Variants in CADM2 observed in about 807,000 individuals in gnomAD.
CADM2 encodes immunoglobulin superfamily member 4D.
A neutral mutation model predicts 49.8 loss-of-function variants in CADM2; 12 were observed. That is an observed-to-expected ratio of 0.24 (90% CI 0.15 to 0.39). CADM2 has a LOEUF of 0.39. CADM2 is among the 10% of genes least tolerant of loss of function. CADM2 has a pLI of 1.00. For missense variants in CADM2, 378 were observed against 492.3 expected (o/e 0.77, Z 2.20); for synonymous variants, 214 against 175.4 (o/e 1.22, Z -1.74).
At chr3:85,442,104 C>T (rs1296576113) in intron 1 of CADM2, among the ~76,000 whole-genome samples, 1 of 151,954 alleles carries the variant, frequency 6.6e-6, no homozygotes, top group African/African-American at 2.4e-5. Context: ...AGATTTTGTC[C>T]ACACAATATT....
At chr3:85,678,501 T>C (rs2065946336) in intron 1 of CADM2, among the ~76,000 whole-genome samples, 1 of 152,180 alleles carries the variant, frequency 6.6e-6, no homozygotes, top group Admixed American at 6.5e-5. Flanking sequence ...TGCTTTCTAG[T>C]CATCCTACAT....
intron 1 of CADM2, among the ~76,000 whole-genome samples, chr3:85,092,339 T>C (rs1295855511): frequency 6.6e-6 from 1 of 152,196 alleles, no homozygotes; most frequent in Non-Finnish European, 1.5e-5. Flanking sequence ...ACTTATATAA[T>C]TCACTGGAAA....
In CADM2 at chr3:86,068,319, T is replaced by C. The variant is rs1559837457; in HGVS notation, c.*1536T>C. 6.6e-6 allele frequency: 1 copy of C among 152,002 alleles called. No homozygotes were observed. Among genetic ancestry groups the C allele is most frequent in the Non-Finnish European group, 1.5e-5 (1 of 67,864 alleles). 9.4% of individuals were successfully genotyped at this position (152,002 alleles called of 1,614,324 possible). A position where few individuals can be genotyped will look rare whatever the true frequency, so the allele number is the denominator to read the frequency against. ...AGTCTTATTATTTCTTCTAGTAAAATAAAATATTGTTAGATTAGTTCTCAT... is the reference window on the plus strand; with the variant it reads ...AGTCTTATTATTTCTTCTAGTAAAACAAAATATTGTTAGATTAGTTCTCAT... On this transcript the variant is annotated 3_prime_UTR_variant, in exon 10 of 10. Coordinates refer to ENST00000383699, the MANE Select transcript of CADM2 (RefSeq NM_001167675.2).
intron 1 of CADM2, among the ~76,000 whole-genome samples, chr3:85,117,331 AT>A (rs553265227): frequency 6.6e-6 from 1 of 152,292 alleles, no homozygotes; most frequent in East Asian, 1.9e-4. Context: ...TAAAATATAT[AT>A]AAATAAAAAT....
intron 1 of CADM2, among the ~76,000 whole-genome samples, chr3:85,013,045 T>G (rs1035898282): frequency 1.3e-5 from 2 of 151,802 alleles, no homozygotes; most frequent in African/African-American, 4.8e-5. Flanking sequence ...ATGAATGTGT[T>G]GCAATGTTAA....
chr3:85,343,914 G>T (rs752063217), intron 1 of CADM2, among the ~76,000 whole-genome samples: 1 of 152,122 alleles, frequency 6.6e-6, no homozygotes, highest in African/African-American at 2.4e-5. Context: ...TACTGAGAAG[G>T]CACTGTGTGT....
intron 8 of CADM2, among the ~76,000 whole-genome samples, chr3:86,015,925 G>C (rs1732161233): frequency 6.6e-6 from 1 of 151,890 alleles, no homozygotes; most frequent in Admixed American, 6.6e-5. Context: ...ACAAAAATAA[G>C]GATTGTGGTT....
chr3:85,660,578 A>G (rs916252216), intron 1 of CADM2, among the ~76,000 whole-genome samples: 3 of 152,020 alleles, frequency 2.0e-5, no homozygotes, highest in African/African-American at 4.8e-5. Context: ...TGGAGGAATC[A>G]GACTACTACA....
chr3:84,984,093 G>T (rs2032388718), intron 1 of CADM2, among the ~76,000 whole-genome samples: 1 of 140,056 alleles, frequency 7.1e-6, no homozygotes, highest in Non-Finnish European at 1.6e-5. Flanking sequence ...ATTTTAAAAG[G>T]CACAAACAAG....
intron 5 of CADM2, among the ~76,000 whole-genome samples, chr3:85,896,932 C>T (rs1353817990): frequency 6.6e-6 from 1 of 152,110 alleles, no homozygotes; most frequent in Non-Finnish European, 1.5e-5. Flanking sequence ...TTAAAGTAGA[C>T]TTACTAAGTC....
intron 1 of CADM2, among the ~76,000 whole-genome samples, chr3:85,384,326 A>AT (rs1480364710): frequency 3.3e-5 from 5 of 151,094 alleles, no homozygotes; most frequent in African/African-American, 1.2e-4. Context: ...TTTTTGTTTT[A>AT]TTTTTTTAAG....
At chr3:85,560,737 T>C (rs934570627) in intron 1 of CADM2, among the ~76,000 whole-genome samples, 7 of 152,224 alleles carry the variant, frequency 4.6e-5, no homozygotes, top group Admixed American at 4.6e-4. Context: ...GCTGTGGTTT[T>C]GTTACTCATT....
intron 1 of CADM2, among the ~76,000 whole-genome samples, chr3:85,386,115 T>C (rs2034214584): frequency 6.6e-6 from 1 of 152,168 alleles, no homozygotes; most frequent in African/African-American, 2.4e-5. Context: ...ATCCTTGCCA[T>C]CGTACTCACT....
intron 1 of CADM2, among the ~76,000 whole-genome samples, chr3:84,992,543 C>A (rs2032951786): frequency 6.6e-6 from 1 of 152,036 alleles, no homozygotes; most frequent in Admixed American, 6.6e-5. Flanking sequence ...GCAGTAGAAT[C>A]ACTTGAACCC....
intron 1 of CADM2, among the ~76,000 whole-genome samples, chr3:85,333,881 A>G (rs1413406571): frequency 6.6e-6 from 1 of 151,782 alleles, no homozygotes; most frequent in Non-Finnish European, 1.5e-5. Context: ...ACTCCATGTA[A>G]TTCTGGCCAA....
At chr3:86,014,023 A>C (rs1290846204) in intron 8 of CADM2, 24 of 1,376,106 alleles carry the variant, frequency 1.7e-5, no homozygotes, top group Non-Finnish European at 9.9e-6. Flanking sequence ...CCTTGATCAC[A>C]ACTGCTTTTA....
At chr3:85,459,030 T>C (rs2038119494) in intron 1 of CADM2, among the ~76,000 whole-genome samples, 1 of 152,178 alleles carries the variant, frequency 6.6e-6, no homozygotes, top group Admixed American at 6.5e-5. Flanking sequence ...CTTGATTATA[T>C]AGTGTTATTG....
At chr3:85,720,991 C>T (rs1023142710) in intron 1 of CADM2, among the ~76,000 whole-genome samples, 1 of 152,138 alleles carries the variant, frequency 6.6e-6, no homozygotes, top group African/African-American at 2.4e-5. Context: ...CTAATGGTTA[C>T]TACATTTCGA....
intron 1 of CADM2, among the ~76,000 whole-genome samples, chr3:85,634,972 A>C (rs1465921971): frequency 6.6e-6 from 1 of 152,070 alleles, no homozygotes; most frequent in African/African-American, 2.4e-5. Flanking sequence ...GATCTGTAAA[A>C]TAGAAATTGT....
Sources: allele counts gnomAD v4.1 joint callset (sites outside exome capture counted in the v4.1 genomes callset), GRCh38; gene constraint gnomAD v4.1.1; transcripts MANE v1.5; gene names NCBI Gene and HGNC (gene_info 2026-07-23, HGNC 2026-07-21).